The following XRN2 variants were observed in gnomAD, a reference collection of about 807,000 sequenced individuals.
XRN2 encodes the protein DHM1-like protein.
A neutral mutation model predicts 138.5 loss-of-function variants in XRN2; 44 were observed. The ratio of observed to expected loss-of-function variants is 0.32; its 90% CI spans 0.25 to 0.41. The LOEUF (loss-of-function observed/expected upper bound fraction) is 0.41, where lower values mean the gene tolerates loss of function less well. Among genes scored for constraint, XRN2 ranks in the 10% least tolerant of loss-of-function variants. The probability of loss-of-function intolerance (pLI) is 1.00; values close to 1 mark genes in which losing one functional copy is unlikely to be tolerated. For missense variants in XRN2, 937 were observed against 1,169.3 expected, an observed-to-expected ratio of 0.80 and a Z score of 2.90; for synonymous variants, 354 against 369.4, an observed-to-expected ratio of 0.96 and a Z score of 0.48.
intron 13 of XRN2, among the ~76,000 whole-genome samples, chr20:21,338,390 T>TA (rs1401587103): frequency 6.6e-6 from 1 of 152,168 alleles, no homozygotes; most frequent in East Asian, 1.9e-4. Flanking sequence ...AGAATCAACG[T>TA]GGGCTGGACC....
intron 3 of XRN2, 122 bp from the exon 4 acceptor site, chr20:21,328,437 C>G: frequency 1.1e-6 from 1 of 934,186 alleles, no homozygotes; most frequent in Non-Finnish European, 1.6e-6. Flanking sequence ...TTATTAGACA[C>G]ATTACTTACC....
chr20:21,337,566 G>C (rs2038313201), intron 13 of XRN2, among the ~76,000 whole-genome samples: 1 of 152,170 alleles, frequency 6.6e-6, no homozygotes, highest in African/African-American at 2.4e-5. Context: ...ATGAGACCAG[G>C]TGATGACTCC....
intron 24 of XRN2, among the ~76,000 whole-genome samples, chr20:21,361,744 G>A (rs766679634): frequency 3.9e-5 from 6 of 152,198 alleles, no homozygotes; most frequent in Non-Finnish European, 7.3e-5. Context: ...ACCTTTTTGA[G>A]TCTTTGCCTA....
intron 21 of XRN2, among the ~76,000 whole-genome samples, chr20:21,355,233 T>C (rs921788158): frequency 3.9e-5 from 6 of 152,122 alleles, no homozygotes; most frequent in African/African-American, 1.4e-4. Context: ...ACTCCTCCTT[T>C]CTCCCCAGTA....
rs1384537229 is a variant in XRN2 at position 21,333,820 on chromosome 20, G to A, written c.1050G>A (p.Leu350=). ...FFVGNDFLPH[L]PSLEIRENAI... Reference sequence around the variant, plus strand: ...TGGGAAATGACTTCCTCCCTCATTTGCCATCGTTAGAGATTAGGTATGTGC... The same window carrying A: ...TGGGAAATGACTTCCTCCCTCATTTACCATCGTTAGAGATTAGGTATGTGC... The change falls in exon 11 of 30, where the codon TTG becomes TTA. Residue 350 remains leucine, a synonymous_variant. Transcript: ENST00000377191. The A allele has an allele frequency of 7.4e-6, 12 of 1,613,976 alleles. No individual in the cohort carries two copies. The highest frequency in any genetic ancestry group is 1.6e-4 in the Middle Eastern group (1 of 6,084).
chr20:21,320,863 T>C (rs527364918), intron 1 of XRN2, among the ~76,000 whole-genome samples: 1 of 152,222 alleles, frequency 6.6e-6, no homozygotes, highest in South Asian at 2.1e-4. Context: ...CTGACGTCAG[T>C]GTTTGGTATT....
rs145506313 is a variant in XRN2 at position 21,334,079 on chromosome 20, G to A, written c.1127G>A (p.Gly376Asp). Residue 376 changes from glycine (G) to aspartate (D), a missense_variant and splice_region_variant, in exon 13 of 30, where the codon GGT (glycine) becomes GAT (aspartate). Around this residue, in one of 6 missense-constraint regions of XRN2, gnomAD observed 471 missense variants for 581.2 expected, o/e 0.81. Transcript: ENST00000377191. The part of the protein sequence containing the change: ...IYKNVVHKTG[G>D]YLTESGYVNL... ...TTACATATATTTTATCACTTACAGG[G>A]TTACCTTACAGAAAGTGGTTATGTC... The A allele has an allele frequency of 1.2e-6, 2 of 1,613,954 alleles. No homozygotes were observed. The highest frequency in any genetic ancestry group is 2.7e-5 in the African/African-American group (2 of 75,030).
intron 1 of XRN2, among the ~76,000 whole-genome samples, chr20:21,304,694 C>T (rs2037791121): frequency 6.6e-6 from 1 of 152,302 alleles, no homozygotes; most frequent in Admixed American, 6.5e-5. Context: ...CCTCTATACT[C>T]TTAATGGAGT....
intron 17 of XRN2, among the ~76,000 whole-genome samples, chr20:21,347,660 A>T (rs556402353): frequency 6.6e-6 from 1 of 152,334 alleles, no homozygotes; most frequent in South Asian, 2.1e-4. Context: ...AGTCAAAAGA[A>T]ACTTGTCAGG....
At chr20:21,335,320 C>G (rs965350897) in intron 13 of XRN2, among the ~76,000 whole-genome samples, 15 of 152,180 alleles carry the variant, frequency 9.9e-5, no homozygotes, top group Non-Finnish European at 1.0e-4. Context: ...GAAATCCTTT[C>G]AGAAACTGAT....
chr20:21,335,943 A>G (rs1320534756), intron 13 of XRN2, among the ~76,000 whole-genome samples: 1 of 152,230 alleles, frequency 6.6e-6, no homozygotes, highest in African/African-American at 2.4e-5. Flanking sequence ...ATTGGACACC[A>G]GGGGAAACCC....
intron 19 of XRN2, 59 bp downstream of exon 19, chr20:21,348,489 T>C: frequency 6.8e-7 from 1 of 1,476,832 alleles, no homozygotes; most frequent in South Asian, 1.2e-5. Context: ...TTTATTCATA[T>C]CAGTTACAAT....
At chr20:21,343,356 G>A (rs577507203) in intron 15 of XRN2, among the ~76,000 whole-genome samples, 9 of 151,994 alleles carry the variant, frequency 5.9e-5, no homozygotes, top group African/African-American at 1.9e-4. Context: ...ATTGAGTTAG[G>A]TACAAAGGGA....
At chr20:21,332,144 A>C (rs2038220216) in intron 8 of XRN2, 139 bp from the exon 9 acceptor site, 1 of 1,026,634 alleles carries the variant, frequency 9.7e-7, no homozygotes, top group East Asian at 2.6e-5. Context: ...AATGCCAGGA[A>C]GTGTCAAGCT....
At chr20:21,365,857 TA>T (rs2038688707) in intron 26 of XRN2, among the ~76,000 whole-genome samples, 153 bp downstream of exon 26, 1 of 84,266 alleles carries the variant, frequency 1.2e-5, no homozygotes, top group East Asian at 2.7e-4. Context: ...TAATTACATA[TA>T]TAATATATAA....
At chr20:21,340,879 T>G (rs200518684) in intron 15 of XRN2, 27 bp downstream of exon 15, 14 of 1,613,104 alleles carry the variant, frequency 8.7e-6, no homozygotes, top group Non-Finnish European at 1.2e-5. Context: ...TATGTGACAT[T>G]TAAGAGTGGT....
chr20:21,378,471 C>G (rs552259845), intron 27 of XRN2, among the ~76,000 whole-genome samples: 1 of 152,324 alleles, frequency 6.6e-6, no homozygotes, highest in African/African-American at 2.4e-5. Flanking sequence ...TGGCCTCACT[C>G]TGTGACCTCT....
intron 20 of XRN2, among the ~76,000 whole-genome samples, chr20:21,350,475 G>T (rs1050113904): frequency 8.2e-6 from 1 of 121,618 alleles, no homozygotes; most frequent in Admixed American, 1.1e-4. Context: ...GCAGTGAGTC[G>T]AGATAGCACC....
At chr20:21,362,222 A>C (rs1188014628) in intron 24 of XRN2, among the ~76,000 whole-genome samples, 16 of 152,196 alleles carry the variant, frequency 1.1e-4, no homozygotes. Context: ...CAATTTTATT[A>C]AGGAATAATT....
Sources: gnomAD v4.1 joint callset for allele counts (sites outside exome capture counted in the v4.1 genomes callset) on GRCh38, gnomAD v4.1.1 for gene constraint, gnomAD v4.1.1 regional missense constraint, MANE v1.5 for transcripts, NCBI Gene and HGNC (gene_info 2026-07-23, HGNC 2026-07-21) for gene names.